Variants in SDCCAG8 observed in about 807,000 individuals in gnomAD.
SDCCAG8 encodes the protein SHH signaling and ciliogenesis regulator SDCCAG8.
Under a neutral mutation model 101.8 loss-of-function variants are expected in SDCCAG8, and 74 were observed. That is an observed-to-expected ratio of 0.73 (90% CI 0.60 to 0.88). The LOEUF (loss-of-function observed/expected upper bound fraction) is 0.88, where lower values mean the gene tolerates loss of function less well. SDCCAG8 is among the 40% of genes least tolerant of loss of function. The pLI is 0.00. For missense variants in SDCCAG8, 787 were observed against 822.6 expected, an observed-to-expected ratio of 0.96 and a Z score of 0.53; for synonymous variants, 281 against 292.9, an observed-to-expected ratio of 0.96 and a Z score of 0.41.
At chr1:243,467,221 CA>C (rs1660333797) in intron 16 of SDCCAG8, among the ~76,000 whole-genome samples, 1 of 152,224 alleles carries the variant, frequency 6.6e-6, no homozygotes, top group African/African-American at 2.4e-5. Flanking sequence ...CAAAGGCTTT[CA>C]TTTTTTTGTT....
chr1:243,274,540 TA>T lies in SDCCAG8; in HGVS notation c.307-2del. ...GTATTTATTTATTTATTTTTTGTCA[TA>T]GAGGTCATTAGAACATGAGGAAACC... is the stretch of plus-strand genomic sequence containing the variant. On this transcript the variant is annotated splice_acceptor_variant, in intron 3 of 17. Coordinates refer to ENST00000366541, the MANE Select transcript of SDCCAG8 (RefSeq NM_006642.5). LOFTEE classifies it high-confidence loss of function. 6.7e-7 allele frequency: 1 copy of T among 1,488,084 alleles called. No individual in the cohort carries two copies. Among genetic ancestry groups the T allele is most frequent in the Non-Finnish European group, 9.4e-7 (1 of 1,067,982 alleles). The allele number at this position is 1,488,084 out of a possible 1,614,324, so 92.2% of individuals were successfully genotyped here.
At chr1:243,482,338 C>T (rs1663906705) in intron 16 of SDCCAG8, among the ~76,000 whole-genome samples, 1 of 152,190 alleles carries the variant, frequency 6.6e-6, no homozygotes, top group African/African-American at 2.4e-5. Context: ...GGAGATCTGC[C>T]TGGGCCCAGC....
rs528921503 is a variant in SDCCAG8 at position 243,478,347 on chromosome 1, C to G, written c.1986-10667C>G. ...GGGCAAGTCACTTATACTTTCTTGG[C>G]TTCACCATAATGGGCTGAACTGAAT... On this transcript the variant is annotated intron_variant, in intron 16 of 17. Coordinates refer to ENST00000366541, the MANE Select transcript of SDCCAG8 (RefSeq NM_006642.5). 3.9e-5 allele frequency among the ~76,000 whole-genome samples: 6 copies of G among 152,338 alleles called. 1 individual carries two copies. The highest frequency in any genetic ancestry group is 1.4e-4 in the African/African-American group (6 of 41,574).
At chr1:243,337,166 T>C (rs1227880346) in intron 10 of SDCCAG8, among the ~76,000 whole-genome samples, 2 of 152,182 alleles carry the variant, frequency 1.3e-5, no homozygotes, top group Non-Finnish European at 1.5e-5. Context: ...CTTCAATTCA[T>C]CTAGGGTCAA....
At chr1:243,399,084 T>A (rs2079205308) in intron 13 of SDCCAG8, among the ~76,000 whole-genome samples, 1 of 152,220 alleles carries the variant, frequency 6.6e-6, no homozygotes, top group Non-Finnish European at 1.5e-5. Flanking sequence ...TAGAAAATAG[T>A]ATATAAATTT....
intron 13 of SDCCAG8, among the ~76,000 whole-genome samples, chr1:243,409,751 T>G: frequency 6.6e-6 from 1 of 152,054 alleles, no homozygotes; most frequent in Non-Finnish European, 1.5e-5. Context: ...ACCCACTGAA[T>G]AAGATATGAA....
At chr1:243,327,735 A>T (rs1394717835) in intron 9 of SDCCAG8, among the ~76,000 whole-genome samples, 1 of 152,166 alleles carries the variant, frequency 6.6e-6, no homozygotes, top group Non-Finnish European at 1.5e-5. Flanking sequence ...ACTAGACCCA[A>T]ATCTTTTAGT....
intron 16 of SDCCAG8, chr1:243,487,720 G>C (rs1004429831): frequency 6.6e-6 from 1 of 152,430 alleles, no homozygotes; most frequent in Non-Finnish European, 1.5e-5. Context: ...GTGGCAGTCG[G>C]AGGTGCCAAG....
rs58948631 is a variant in SDCCAG8 at position 243,454,697 on chromosome 1, A to G, written c.1985+28139A>G. Among the ~76,000 whole-genome samples the G allele has an allele frequency of 3.5e-3, 539 of 152,340 alleles. 2 individuals are homozygous for G. The highest frequency in any genetic ancestry group is 0.012 in the African/African-American group (513 of 41,588). ...AGAGTTGGAGAAGTTACATTATTCAACAACTGAGATGTCTAAAGCCTGTGC... is the reference window on the plus strand; with the variant it reads ...AGAGTTGGAGAAGTTACATTATTCAGCAACTGAGATGTCTAAAGCCTGTGC... On this transcript the variant is annotated intron_variant, in intron 16 of 17. Transcript: ENST00000366541.
At position 243,426,521 on chromosome 1, in the gene SDCCAG8, G is replaced by T. The variant is rs2148043407; in HGVS notation, c.1948G>T (p.Val650Phe). The part of the protein sequence containing the change: ...RRNEELEEQC[V>F]QHGRVHETMK... ...AAATGAAGAATTGGAGGAACAGTGT[G>T]TCCAGCATGGGAGAGTACATGAGAC... The change falls in exon 16 of 18, where the codon GTC becomes TTC. Residue 650 changes from valine (V) to phenylalanine (F), a missense_variant. Coordinates refer to ENST00000366541, the MANE Select transcript of SDCCAG8 (RefSeq NM_006642.5). 6.2e-7 allele frequency: 1 copy of T among 1,613,958 alleles called. No homozygotes were observed. Among genetic ancestry groups the T allele is most frequent in the Non-Finnish European group, 8.5e-7 (1 of 1,179,910 alleles).
chr1:243,410,902 GT>G lies in SDCCAG8; in HGVS notation c.1617-4799del, dbSNP rs2080126654. Among the ~76,000 whole-genome samples the G allele has an allele frequency of 2.0e-5, 3 of 152,072 alleles. No individual in the cohort carries two copies. The South Asian group carries it at 6.2e-4, about 32-fold the overall frequency. ...ATGCAATCAACCAGAACTATAATTG[GT>G]AAAAAGGAATGACTATGCTTCCATG... On this transcript the variant is annotated intron_variant, in intron 13 of 17. Coordinates refer to ENST00000366541, the MANE Select transcript of SDCCAG8 (RefSeq NM_006642.5).
chr1:243,499,753 C>T lies in SDCCAG8; in HGVS notation c.2113-3C>T, dbSNP rs2148331462. 1 of 1,610,444 alleles carries T rather than the reference C, an allele frequency of 6.2e-7. No homozygotes were observed. Among genetic ancestry groups the T allele is most frequent in the Non-Finnish European group, 8.5e-7 (1 of 1,176,948 alleles). ...GAAACTTACTTTTTATTATTTTTTC[C>T]AGTTACCCAGCATGCCACAATCTGA... On this transcript the variant is annotated splice_region_variant and splice_polypyrimidine_tract_variant and intron_variant, in intron 17 of 17. Transcript: ENST00000366541.
At chr1:243,442,532 C>T (rs2082610779) in intron 16 of SDCCAG8, among the ~76,000 whole-genome samples, 2 of 152,070 alleles carry the variant, frequency 1.3e-5, no homozygotes, top group South Asian at 4.1e-4. Context: ...GACACAGTGC[C>T]TCTGGATTTT....
At chr1:243,376,421 T>C (rs1458216157) in intron 12 of SDCCAG8, among the ~76,000 whole-genome samples, 2 of 152,166 alleles carry the variant, frequency 1.3e-5, no homozygotes, top group African/African-American at 4.8e-5. Context: ...GTTAGACCCA[T>C]GTTCTTTACC....
At chr1:243,304,939 C>G (rs560492945) in intron 7 of SDCCAG8, 162 bp downstream of exon 7, 2 of 593,570 alleles carry the variant, frequency 3.4e-6, no homozygotes, top group Admixed American at 6.5e-5. Context: ...GATGAAAGGC[C>G]TAAAATTGAG....
At chr1:243,479,399 G>A (rs1158583129) in intron 16 of SDCCAG8, among the ~76,000 whole-genome samples, 1 of 152,310 alleles carries the variant, frequency 6.6e-6, no homozygotes, top group Admixed American at 6.5e-5. Flanking sequence ...GTTCTCTGTC[G>A]CAGCTACTCG....
Position 243,354,644 on chromosome 1 carries a change from T to C in SDCCAG8, c.1473+10313T>C, listed in dbSNP as rs550478942. Among the ~76,000 whole-genome samples the C allele has an allele frequency of 2.6e-5, 4 of 152,328 alleles. No homozygotes were observed. The South Asian group carries it at 6.2e-4, about 24-fold the overall frequency. ...AGAGTTTCTTAGGTGTGTGAACTTA[T>C]GATGATCAGGAATACATTGGTGGAT... On this transcript the variant is annotated intron_variant, in intron 12 of 17. Coordinates refer to ENST00000366541, the MANE Select transcript of SDCCAG8 (RefSeq NM_006642.5).
intron 16 of SDCCAG8, among the ~76,000 whole-genome samples, chr1:243,444,927 ATCTTT>A (rs1202044880): frequency 1.3e-5 from 2 of 152,060 alleles, no homozygotes; most frequent in African/African-American, 2.4e-5. Flanking sequence ...CATCTTTTAG[ATCTTT>A]TCTTATTCTC....
At chr1:243,481,078 T>C (rs1348074165) in intron 16 of SDCCAG8, among the ~76,000 whole-genome samples, 1 of 151,922 alleles carries the variant, frequency 6.6e-6, no homozygotes, top group Non-Finnish European at 1.5e-5. Flanking sequence ...GGCTTGGAAA[T>C]GCAAGAGAGA....
Sources: gnomAD v4.1 joint callset for allele counts (sites outside exome capture counted in the v4.1 genomes callset) on GRCh38, gnomAD v4.1.1 for gene constraint, MANE v1.5 for transcripts, NCBI Gene and HGNC (gene_info 2026-07-23, HGNC 2026-07-21) for gene names.